Variants in TLE6 observed in about 807,000 individuals in gnomAD.
The protein encoded by TLE6 is transducin-like enhancer protein 6.
In TLE6, 72 loss-of-function variants were observed where a neutral mutation model predicts 77.1. The observed-to-expected ratio is 0.93, with a 90% CI of 0.77 to 1.14. The LOEUF (loss-of-function observed/expected upper bound fraction) is 1.14. TLE6 is among the 50% of genes most tolerant of loss of function. The pLI is 0.00. For synonymous variants in TLE6, 366 were observed against 287.3 expected, an observed-to-expected ratio of 1.27 and a Z score of -2.77; for missense variants, 843 against 747.6, an observed-to-expected ratio of 1.13 and a Z score of -1.49.
In TLE6 at chr19:2,988,148, G is replaced by A. The variant is rs757491343; in HGVS notation, c.740+20G>A. On this transcript the variant is annotated intron_variant, in intron 11 of 16. Coordinates refer to ENST00000246112, the MANE Select transcript of TLE6 (RefSeq NM_001143986.2). The stretch of plus-strand genomic sequence containing the variant: ...GTCCATGTAAGTGTCTGCACTGTTT[G>A]CTTTTGGGCGGGGTGAGGGGCAGCG... 2.6e-6 allele frequency: 4 copies of A among 1,551,264 alleles called. No homozygotes were observed. In the South Asian group the frequency reaches 3.6e-5, roughly 14 times the overall value.
At chr19:2,988,235 T>G (rs1300476020) in intron 11 of TLE6, 107 bp downstream of exon 11, 2 of 1,196,028 alleles carry the variant, frequency 1.7e-6, no homozygotes, top group Non-Finnish European at 2.4e-6. Context: ...GGTGTAAGAC[T>G]TTCTTCCCCT....
intron 16 of TLE6, 101 bp from the exon 17 acceptor site, chr19:2,994,799 G>A: frequency 1.5e-6 from 1 of 672,684 alleles, no homozygotes; most frequent in South Asian, 1.8e-5. Flanking sequence ...GCAAGACCCT[G>A]TCTTTCTTTG....
chr19:2,980,125 A>G lies in TLE6; in HGVS notation c.77A>G (p.Glu26Gly). The G allele has an allele frequency of 6.4e-7, 1 of 1,550,586 alleles. No homozygotes were observed. Among genetic ancestry groups the G allele is most frequent in the East Asian group, 2.4e-5 (1 of 40,862 alleles). The change falls in exon 3 of 17, where the codon GAG (glutamate) becomes GGG (glycine). Residue 26 changes from glutamate to glycine, a missense_variant. By Grantham distance (98) the Glu-to-Gly change is moderately conservative. Transcript: ENST00000246112. ...TSPCPGISNSESSPTLNYQGI... is the reference protein window; with the variant it reads ...TSPCPGISNSGSSPTLNYQGI... Reference sequence around the variant, plus strand: ...CCTTGTCCTGGGATCTCGAACTCTGAGAGCTCTCCGACGCTGAATTATCAG... The same window carrying G: ...CCTTGTCCTGGGATCTCGAACTCTGGGAGCTCTCCGACGCTGAATTATCAG...
Position 2,995,053 on chromosome 19 carries a change from CCT to C in TLE6, c.*50_*51del, listed in dbSNP as rs574966587. On this transcript the variant is annotated 3_prime_UTR_variant, in exon 17 of 17. Transcript: ENST00000246112. Reference sequence around the variant, plus strand: ...CTCCGGCTCCTCTTTTCATCCCCCCCCTTCCCCCCCCCCAACAAGGGGGACAT... The same window carrying C: ...CTCCGGCTCCTCTTTTCATCCCCCCCTCCCCCCCCCCAACAAGGGGGACAT... The C allele has an allele frequency of 4.6e-6, 5 of 1,096,440 alleles. No individual in the cohort carries two copies. Among genetic ancestry groups the C allele is most frequent in the South Asian group, 2.7e-5 (2 of 72,898 alleles). 67.9% of individuals were successfully genotyped at this position (1,096,440 alleles called of 1,614,324 possible). A position where few individuals can be genotyped will look rare whatever the true frequency, so the allele number is the denominator to read the frequency against.
chr19:2,983,351 CGGGGGA>C (rs2088838125), intron 5 of TLE6, among the ~76,000 whole-genome samples: 1 of 151,750 alleles, frequency 6.6e-6, no homozygotes, highest in South Asian at 2.1e-4. Context: ...CTGGGCAAGG[CGGGGGA>C]TGGAAGAGAG....
intron 14 of TLE6, among the ~76,000 whole-genome samples, chr19:2,992,636 A>C (rs527829929): frequency 3.3e-5 from 5 of 151,704 alleles, no homozygotes; most frequent in Non-Finnish European, 7.4e-5. Context: ...TTAGCTGAGC[A>C]TGGTGGCACG....
At position 2,991,934 on chromosome 19, in the gene TLE6, T is replaced by TG. The variant is rs768021425; in HGVS notation, c.1339dup (p.Asp447GlyfsTer95). ...GGGTCCGGATGCCTGTCTGCGGTGCTGGGACCAGAGGACCATCATGAAACC... is the reference window on the plus strand; with the variant it reads ...GGGTCCGGATGCCTGTCTGCGGTGCTGGGGACCAGAGGACCATCATGAAACC... On this transcript the variant is annotated frameshift_variant, in exon 14 of 17. Coordinates refer to ENST00000246112, the MANE Select transcript of TLE6 (RefSeq NM_001143986.2). LOFTEE classifies it high-confidence loss of function. 9 of 1,613,842 alleles carry TG rather than the reference T, an allele frequency of 5.6e-6. No homozygotes were observed. In the African/African-American group the frequency reaches 1.2e-4, roughly 22 times the overall value.
Position 2,987,032 on chromosome 19 carries a change from A to AGT in TLE6, c.335_336insGT (p.Asp112GlufsTer49). ...CCTGGGACGCCCCAGCAGGTGAAGG[A>AGT]CAAGACCCTGCAGGAGTCGAGCTTT... On this transcript the variant is annotated frameshift_variant, in exon 7 of 17. Transcript: ENST00000246112. LOFTEE classifies it high-confidence loss of function. 1 of 1,614,018 alleles carries AGT rather than the reference A, an allele frequency of 6.2e-7. No homozygotes were observed. The highest frequency in any genetic ancestry group is 8.5e-7 in the Non-Finnish European group (1 of 1,179,918).
At position 2,994,087 on chromosome 19, in the gene TLE6, G is replaced by A. The variant is rs1265752650; in HGVS notation, c.1606G>A (p.Val536Met). Residue 536 changes from valine to methionine, a missense_variant, in exon 16 of 17, where the codon GTG becomes ATG. Physicochemically the swap from Val to Met is conservative, Grantham distance 21. Transcript: ENST00000246112. ...CTACAGCATGCCGGCGGGGACAAAA[G>A]TGTTCGAGGTACTGCGGTGGGCTGG... ...GVYSMPAGTK[V>M]FEVPEMSPVT... 6.3e-7 allele frequency: 1 copy of A among 1,595,218 alleles called. No homozygotes were observed. Among genetic ancestry groups the A allele is most frequent in the Non-Finnish European group, 8.5e-7 (1 of 1,173,276 alleles).
intron 3 of TLE6, 107 bp downstream of exon 3, chr19:2,980,289 C>T (rs2088772014): frequency 2.3e-6 from 2 of 864,614 alleles, no homozygotes; most frequent in Admixed American, 2.5e-5. Context: ...GCCCAAGAGC[C>T]AGGCTCAGGA....
intron 14 of TLE6, among the ~76,000 whole-genome samples, chr19:2,992,804 CGG>C (rs1568219744): frequency 1.8e-4 from 1 of 5,438 alleles, no homozygotes; most frequent in African/African-American, 7.3e-4. Flanking sequence ...GGGGGGGAGG[CGG>C]GTGGGGGGGG....
chr19:2,992,910 C>T (rs1338366185), intron 14 of TLE6, among the ~76,000 whole-genome samples: 8 of 149,248 alleles, frequency 5.4e-5, no homozygotes, highest in African/African-American at 1.5e-4. Flanking sequence ...CTTTGCAGGC[C>T]GGGCGCAGTG....
chr19:2,987,691 C>T, intron 8 of TLE6, 33 bp from the exon 9 acceptor site: 1 of 1,613,080 alleles, frequency 6.2e-7, no homozygotes, highest in Non-Finnish European at 8.5e-7. Flanking sequence ...ACAGGCAGGT[C>T]AGCAGGCCTG....
intron 13 of TLE6, among the ~76,000 whole-genome samples, chr19:2,990,447 CA>C (rs1179838292): frequency 6.7e-6 from 1 of 150,254 alleles, no homozygotes; most frequent in African/African-American, 2.4e-5. Flanking sequence ...ACTAAAACTA[CA>C]AAAAAATTAG....
At position 2,991,995 on chromosome 19, in the gene TLE6, C is replaced by T. The variant is rs748109090; in HGVS notation, c.1386+11C>T. On this transcript the variant is annotated intron_variant, in intron 14 of 16. Transcript: ENST00000246112. ...CAATTCAAGTCTCAGGTGCGGAGGC[C>T]GGGATGGGGTCTGCTTGGCCAGGCA... is the stretch of plus-strand genomic sequence containing the variant. The T allele has an allele frequency of 2.0e-5, 33 of 1,612,264 alleles. No homozygotes were observed. The highest frequency in any genetic ancestry group is 1.6e-4 in the East Asian group (7 of 44,840).
At chr19:2,991,041 C>CATAT (rs1555686193) in intron 13 of TLE6, among the ~76,000 whole-genome samples, 17 of 72,820 alleles carry the variant, frequency 2.3e-4, no homozygotes, top group Non-Finnish European at 3.6e-4. Flanking sequence ...TACATACATA[C>CATAT]ATATATGTAT....
chr19:2,989,517 T>C lies in TLE6; in HGVS notation c.994-18T>C, dbSNP rs374640700. Reference sequence around the variant, plus strand: ...TGCCACGGGGGGCGACAGCTCACAGTGACTCTGCCCATCCCAGACCCCTGG... The same window carrying C: ...TGCCACGGGGGGCGACAGCTCACAGCGACTCTGCCCATCCCAGACCCCTGG... On this transcript the variant is annotated intron_variant, in intron 12 of 16. Coordinates refer to ENST00000246112, the MANE Select transcript of TLE6 (RefSeq NM_001143986.2). 31 of 1,603,352 alleles carry C rather than the reference T, an allele frequency of 1.9e-5. No homozygotes were observed. The East Asian group carries it at 6.5e-4, about 34-fold the overall frequency.
At chr19:2,989,367 G>T in intron 12 of TLE6, 54 bp downstream of exon 12, 1 of 1,602,456 alleles carries the variant, frequency 6.2e-7, no homozygotes, top group South Asian at 1.1e-5. Flanking sequence ...CAGGGGGTTT[G>T]AGGTTTGAGT....
intron 11 of TLE6, 108 bp from the exon 12 acceptor site, chr19:2,988,953 G>T: frequency 1.3e-6 from 2 of 1,509,916 alleles, no homozygotes; most frequent in East Asian, 2.3e-5. Context: ...GCCTGAGAGA[G>T]GGACCCCAAA....
Sources: gnomAD v4.1 joint callset for allele counts (sites outside exome capture counted in the v4.1 genomes callset) on GRCh38, gnomAD v4.1.1 for gene constraint, MANE v1.5 for transcripts, NCBI Gene and HGNC (gene_info 2026-07-23, HGNC 2026-07-21) for gene names.